Variants in MGAT4C observed in about 807,000 individuals in gnomAD.
MGAT4C encodes alpha-1,3-mannosyl-glycoprotein 4-beta-N-acetylglucosaminyltransferase C.
In MGAT4C, 19 loss-of-function variants were observed where a neutral mutation model predicts 40.1. The observed-to-expected ratio is 0.47, with a 90% confidence interval of 0.33 to 0.70. The LOEUF is 0.70. Ranked by LOEUF, MGAT4C falls within the 30% of genes least tolerant of loss-of-function variation. The pLI is 0.02. For synonymous variants in MGAT4C, 181 were observed against 187.1 expected, an observed-to-expected ratio of 0.97 and a Z score of 0.27; for missense variants, 491 against 563.2, an observed-to-expected ratio of 0.87 and a Z score of 1.30.
intron 2 of MGAT4C, among the ~76,000 whole-genome samples, chr12:86,676,275 A>C (rs1438450174): frequency 6.6e-6 from 1 of 152,184 alleles, no homozygotes; most frequent in East Asian, 1.9e-4. Context: ...TCAAGTACGC[A>C]GTTCAATATG....
intron 2 of MGAT4C, among the ~76,000 whole-genome samples, chr12:86,698,447 G>C (rs1261957737): frequency 6.6e-6 from 1 of 152,042 alleles, no homozygotes; most frequent in Non-Finnish European, 1.5e-5. Context: ...TTACCACACA[G>C]AATTAGTAAA....
intron 3 of MGAT4C, among the ~76,000 whole-genome samples, chr12:86,429,145 T>TTTA (rs1376554713): frequency 6.6e-6 from 1 of 152,132 alleles, no homozygotes; most frequent in Non-Finnish European, 1.5e-5. Context: ...TCACCTAGAT[T>TTTA]TGATGTGTTG....
At chr12:86,412,134 C>A (rs1956619046) in intron 3 of MGAT4C, among the ~76,000 whole-genome samples, 1 of 152,178 alleles carries the variant, frequency 6.6e-6, no homozygotes, top group Non-Finnish European at 1.5e-5. Flanking sequence ...AGGGTTGTAG[C>A]CCTCATGGAG....
chr12:86,825,457 G>A (rs750832525), intron 1 of MGAT4C, among the ~76,000 whole-genome samples: 4 of 151,010 alleles, frequency 2.6e-5, no homozygotes, highest in Non-Finnish European at 5.9e-5. Flanking sequence ...GTATCAATAA[G>A]AAACAAGTAT....
At chr12:86,328,359 G>C (rs1954576161) in intron 4 of MGAT4C, among the ~76,000 whole-genome samples, 1 of 152,058 alleles carries the variant, frequency 6.6e-6, no homozygotes. Flanking sequence ...AAATAAAAAT[G>C]CAAATGTTGG....
chr12:86,465,372 G>A (rs1957664646), intron 2 of MGAT4C, among the ~76,000 whole-genome samples: 2 of 152,218 alleles, frequency 1.3e-5, no homozygotes, highest in Admixed American at 1.3e-4. Flanking sequence ...AAAGAATAGA[G>A]ATGTTGGACT....
rs1305799995 is a variant in MGAT4C at position 86,174,156 on chromosome 12, C to CACAT, written c.-57+82082_-57+82083insATGT. On this transcript the variant is annotated intron_variant, in intron 1 of 4. Transcript: ENST00000611864. Reference sequence around the variant, plus strand: ...ACACACACACACACACACACACACACACAGAATAAAAAACTGAATTAAATG... The same window carrying CACAT: ...ACACACACACACACACACACACACACACATACAGAATAAAAAACTGAATTAAATG... 2.7e-5 allele frequency among the ~76,000 whole-genome samples: 4 copies of CACAT among 149,684 alleles called. No individual in the cohort carries two copies. In the East Asian group the frequency reaches 7.7e-4, roughly 29 times the overall value.
intron 1 of MGAT4C, among the ~76,000 whole-genome samples, chr12:86,116,618 T>C (rs1878469559): frequency 6.6e-6 from 1 of 152,092 alleles, no homozygotes; most frequent in South Asian, 2.1e-4. Flanking sequence ...CTAATCACAG[T>C]TTAGGAAAAA....
chr12:86,315,997 A>G (rs1008121084), intron 4 of MGAT4C, among the ~76,000 whole-genome samples: 7 of 150,554 alleles, frequency 4.6e-5, no homozygotes, highest in Non-Finnish European at 8.9e-5. Flanking sequence ...TAAACAATTC[A>G]ACAAGCAGAA....
chr12:86,764,802 G>A (rs901759334), intron 1 of MGAT4C, among the ~76,000 whole-genome samples: 12 of 152,012 alleles, frequency 7.9e-5, no homozygotes, highest in South Asian at 2.1e-4. Context: ...TGCAGCTGAC[G>A]GTCCTGTCTG....
rs1475679807 is a variant in MGAT4C at position 86,514,111 on chromosome 12, A to ACACAC, written c.-228-78847_-228-78846insGTGTG. Among the ~76,000 whole-genome samples the ACACAC allele has an allele frequency of 2.8e-3, 358 of 126,656 alleles. 2 individuals are homozygous for ACACAC. Among genetic ancestry groups the ACACAC allele is most frequent in the African/African-American group, 0.011 (346 of 31,554 alleles). The allele number at this position is 126,656 out of a possible 152,430, so 83.1% of individuals were successfully genotyped here. ...ACACACACACACACACACACACACA[A>ACACAC]CCCCGGCTTAGTAGAGATTTGGAGA... is the stretch of plus-strand genomic sequence containing the variant. On this transcript the variant is annotated intron_variant, in intron 2 of 7. Coordinates refer to the MGAT4C transcript ENST00000548651.
chr12:86,611,440 T>C (rs1304200029), intron 2 of MGAT4C, among the ~76,000 whole-genome samples: 2 of 138,878 alleles, frequency 1.4e-5, no homozygotes, highest in Admixed American at 7.8e-5. Context: ...AGATGACAGA[T>C]AGATAGATAG....
intron 2 of MGAT4C, among the ~76,000 whole-genome samples, chr12:86,651,294 T>C (rs1302124518): frequency 6.6e-6 from 1 of 151,816 alleles, no homozygotes; most frequent in Admixed American, 6.6e-5. Flanking sequence ...TAATTATAAA[T>C]CTATTTATTG....
chr12:86,062,448 C>T (rs1297989865), intron 1 of MGAT4C, among the ~76,000 whole-genome samples: 2 of 151,928 alleles, frequency 1.3e-5, no homozygotes, highest in South Asian at 2.1e-4. Context: ...CTGAAAATTC[C>T]AGAAACCAGA....
chr12:86,830,710 C>T (rs1190622529), intron 1 of MGAT4C, among the ~76,000 whole-genome samples: 1 of 127,620 alleles, frequency 7.8e-6, no homozygotes. Context: ...CAAGATGGCT[C>T]CTAATGAAAC....
chr12:86,424,530 G>A (rs1956889493), intron 3 of MGAT4C, among the ~76,000 whole-genome samples: 1 of 152,090 alleles, frequency 6.6e-6, no homozygotes, highest in Admixed American at 6.5e-5. Context: ...ACTAATTTCA[G>A]AGTCAGATCT....
intron 2 of MGAT4C, among the ~76,000 whole-genome samples, chr12:86,443,194 G>A (rs1042080096): frequency 1.3e-5 from 2 of 150,090 alleles, no homozygotes; most frequent in African/African-American, 5.0e-5. Flanking sequence ...ATGTGTGTGT[G>A]TGTATATATA....
chr12:86,365,956 T>C (rs1372996130), intron 3 of MGAT4C, among the ~76,000 whole-genome samples: 3 of 152,218 alleles, frequency 2.0e-5, no homozygotes, highest in African/African-American at 4.8e-5. Context: ...GGGATAACAT[T>C]GAATCTGTAA....
At chr12:86,502,877 ATATGAGTT>A (rs1958382459) in intron 2 of MGAT4C, among the ~76,000 whole-genome samples, 2 of 88,572 alleles carry the variant, frequency 2.3e-5, no homozygotes, top group African/African-American at 5.1e-5. Context: ...ATATATATAT[ATATGAGTT>A]CTGCTCATAT....
Sources: gnomAD v4.1 joint callset for allele counts (sites outside exome capture counted in the v4.1 genomes callset) on GRCh38, gnomAD v4.1.1 for gene constraint, MANE v1.5 for transcripts, NCBI Gene and HGNC (gene_info 2026-07-23, HGNC 2026-07-21) for gene names.